Variants in UBE2E2 observed in about 807,000 individuals in gnomAD.
UBE2E2 encodes the protein ubiquitin conjugating enzyme E2 E2, also known as ubiquitin-conjugating enzyme E2 E2.
UBE2E2 carries 6 observed loss-of-function variants against 24.7 expected under a neutral mutation model. That is an observed-to-expected ratio of 0.24 (90% confidence interval 0.13 to 0.48). UBE2E2 has a LOEUF of 0.48. Among genes scored for constraint, UBE2E2 ranks in the 20% least tolerant of loss-of-function variants. UBE2E2 has a pLI of 0.99. For missense variants in UBE2E2, 169 were observed against 245.0 expected, an observed-to-expected ratio of 0.69 and a Z score of 2.07; for synonymous variants, 104 against 83.6, an observed-to-expected ratio of 1.24 and a Z score of -1.33.
At chr3:23,431,633 C>T (rs1698062721) in intron 3 of UBE2E2, among the ~76,000 whole-genome samples, 2 of 152,040 alleles carry the variant, frequency 1.3e-5, no homozygotes. Flanking sequence ...ATAGATTTAC[C>T]ATCACTTCTG....
At chr3:23,275,269 A>G (rs190388528) in intron 3 of UBE2E2, among the ~76,000 whole-genome samples, 32 of 152,308 alleles carry the variant, frequency 2.1e-4, no homozygotes, top group African/African-American at 7.7e-4. Context: ...TTGTATAAAC[A>G]TCTCGGTAGC....
At chr3:23,540,730 A>G (rs1438959001) in intron 5 of UBE2E2, among the ~76,000 whole-genome samples, 1 of 151,978 alleles carries the variant, frequency 6.6e-6, no homozygotes, top group African/African-American at 2.4e-5. Context: ...AAAAATAGAG[A>G]GAGAGATGAA....
At chr3:23,520,276 C>A (rs544986172) in intron 4 of UBE2E2, among the ~76,000 whole-genome samples, 1 of 152,162 alleles carries the variant, frequency 6.6e-6, no homozygotes, top group African/African-American at 2.4e-5. Flanking sequence ...AATAATAGTA[C>A]CCACCTTACA....
chr3:23,322,683 T>A (rs569063129), intron 3 of UBE2E2, among the ~76,000 whole-genome samples: 41 of 152,214 alleles, frequency 2.7e-4, no homozygotes, highest in Middle Eastern at 3.4e-3. Flanking sequence ...TGTAACTTCG[T>A]AAGCTTTACA....
rs547242000 is a variant in UBE2E2, at chr3:23,554,442, G to T, written c.508+21741G>T. Among the ~76,000 whole-genome samples the T allele has an allele frequency of 1.3e-5, 2 of 152,246 alleles. 1 individual carries two copies. The highest frequency in any genetic ancestry group is 4.2e-4 in the South Asian group (2 of 4,818). On this transcript the variant is annotated intron_variant, in intron 5 of 5. Transcript: ENST00000396703. ...AGGCAGGAGGATCACTTGAGCCCAG[G>T]AGTTAGAGGTCACAGTGAGCTATGA... is the stretch of plus-strand genomic sequence containing the variant.
chr3:23,568,950 G>T (rs925499329), intron 5 of UBE2E2, among the ~76,000 whole-genome samples: 3 of 151,644 alleles, frequency 2.0e-5, no homozygotes, highest in African/African-American at 7.3e-5. Flanking sequence ...TAAACATAGA[G>T]TTATAAGACC....
At chr3:23,489,197 T>C (rs1699443809) in intron 3 of UBE2E2, among the ~76,000 whole-genome samples, 1 of 152,204 alleles carries the variant, frequency 6.6e-6, no homozygotes, top group South Asian at 2.1e-4. Context: ...TTTGGGATGA[T>C]TCAAGCACGT....
intron 3 of UBE2E2, among the ~76,000 whole-genome samples, chr3:23,483,651 T>C (rs778522): frequency 0.25 from 38,168 of 152,106 alleles, 5,212 homozygotes; most frequent in African/African-American, 0.37. Context: ...GTCAAAAATG[T>C]AGTTTCTCAT....
At chr3:23,273,588 T>C (rs751547653) in intron 3 of UBE2E2, among the ~76,000 whole-genome samples, 24 of 152,078 alleles carry the variant, frequency 1.6e-4, no homozygotes, top group Admixed American at 9.2e-4. Context: ...GACATTGTTA[T>C]AACACTGATG....
intron 3 of UBE2E2, among the ~76,000 whole-genome samples, chr3:23,367,698 G>A (rs752726328): frequency 2.0e-5 from 3 of 152,150 alleles, no homozygotes; most frequent in Non-Finnish European, 2.9e-5. Flanking sequence ...AGACAGGGTT[G>A]CAGAAACCCT....
chr3:23,426,541 C>T (rs1342128902), intron 3 of UBE2E2, among the ~76,000 whole-genome samples: 4 of 151,852 alleles, frequency 2.6e-5, no homozygotes, highest in Admixed American at 2.0e-4. Flanking sequence ...GAATTATATC[C>T]AACATTTCCT....
chr3:23,556,454 T>TAAA (rs5847239), intron 5 of UBE2E2, among the ~76,000 whole-genome samples: 1,281 of 94,338 alleles, frequency 0.014, 86 homozygotes, highest in African/African-American at 0.052. Context: ...AAAATTTATT[T>TAAA]AAAAAAAAAA....
Position 23,442,330 on chromosome 3 carries a change from G to A in UBE2E2, c.228-57278G>A, listed in dbSNP as rs376065161. Among the ~76,000 whole-genome samples, 12 of 152,022 alleles carry A rather than the reference G, an allele frequency of 7.9e-5. No individual in the cohort carries two copies. In the East Asian group the frequency reaches 2.3e-3, roughly 29 times the overall value. On this transcript the variant is annotated intron_variant, in intron 3 of 5. Coordinates refer to ENST00000396703, the MANE Select transcript of UBE2E2 (RefSeq NM_152653.4). ...AAAAAATGAATCCTGCTACTGATGG[G>A]TATATAGCATTAATCTCCCACCCAA...
At chr3:23,470,959 T>C (rs760888578) in intron 3 of UBE2E2, among the ~76,000 whole-genome samples, 3 of 152,194 alleles carry the variant, frequency 2.0e-5, no homozygotes, top group Non-Finnish European at 4.4e-5. Flanking sequence ...TCCGACACTT[T>C]TAACCATGTA....
At position 23,590,397 on chromosome 3, in the gene UBE2E2, CTG is replaced by C. The variant is rs1696733696; in HGVS notation, c.*568_*569del. ...AGAATCACTGTGCATTACTGAGACT[CTG>C]TTTATCACTAGCCTTCTGTCCCTCC... is the stretch of plus-strand genomic sequence containing the variant. On this transcript the variant is annotated 3_prime_UTR_variant, in exon 6 of 6. Coordinates refer to ENST00000396703, the MANE Select transcript of UBE2E2 (RefSeq NM_152653.4). 6.5e-6 allele frequency: 1 copy of C among 152,728 alleles called. No individual in the cohort carries two copies. 9.5% of individuals were successfully genotyped at this position (152,728 alleles called of 1,614,324 possible). A position where few individuals can be genotyped will look rare whatever the true frequency, so the allele number is the denominator to read the frequency against.
At chr3:23,234,724 T>C (rs1463327911) in intron 3 of UBE2E2, among the ~76,000 whole-genome samples, 1 of 152,128 alleles carries the variant, frequency 6.6e-6, no homozygotes, top group East Asian at 1.9e-4. Context: ...TCTTTCTAAG[T>C]GTTTATTAGA....
At chr3:23,339,459 T>C (rs1695321795) in intron 3 of UBE2E2, among the ~76,000 whole-genome samples, 1 of 152,150 alleles carries the variant, frequency 6.6e-6, no homozygotes, top group Non-Finnish European at 1.5e-5. Flanking sequence ...TGTGGTTATA[T>C]AAGATGTTAA....
intron 3 of UBE2E2, among the ~76,000 whole-genome samples, chr3:23,245,167 C>T (rs1178400874): frequency 6.6e-6 from 1 of 151,964 alleles, no homozygotes. Flanking sequence ...AGATTGTAAC[C>T]ATTTACATAA....
intron 3 of UBE2E2, among the ~76,000 whole-genome samples, chr3:23,247,469 C>G (rs941609492): frequency 1.3e-5 from 2 of 152,052 alleles, no homozygotes; most frequent in South Asian, 4.1e-4. Flanking sequence ...ATTCTCCTGC[C>G]TCAGCCTCCT....
Sources: gnomAD v4.1 joint callset for allele counts (sites outside exome capture counted in the v4.1 genomes callset) on GRCh38, gnomAD v4.1.1 for gene constraint, MANE v1.5 for transcripts, NCBI Gene and HGNC (gene_info 2026-07-23, HGNC 2026-07-21) for gene names.